Variants in DCAF5 observed in about 807,000 individuals in gnomAD.
The protein encoded by DCAF5 is DDB1- and CUL4-associated factor 5.
A neutral mutation model predicts 80.7 loss-of-function variants in DCAF5; 9 were observed. That is an observed-to-expected ratio of 0.11 (90% CI 0.07 to 0.19). DCAF5 has a LOEUF of 0.19. DCAF5 is among the 10% of genes least tolerant of loss of function. DCAF5 has a pLI of 1.00. For synonymous variants in DCAF5, 433 were observed against 461.9 expected (o/e 0.94, Z 0.80); for missense variants, 842 against 1,205.7 (o/e 0.70, Z 4.47).
chr14:69,067,121 C>T (rs563027744), intron 7 of DCAF5, among the ~76,000 whole-genome samples: 1 of 152,290 alleles, frequency 6.6e-6, no homozygotes, highest in African/African-American at 2.4e-5. Flanking sequence ...AACATAAGCT[C>T]CATGACAGCA....
intron 1 of DCAF5, 114 bp from the exon 2 acceptor site, chr14:69,122,474 A>G: frequency 4.4e-6 from 5 of 1,136,220 alleles, no homozygotes; most frequent in Non-Finnish European, 6.2e-6. Context: ...CCAACTCCAT[A>G]AGATTCGCAT....
Position 69,053,799 on chromosome 14 carries a change from CA to C in DCAF5, c.*57del. The C allele has an allele frequency of 2.1e-6, 3 of 1,412,812 alleles. No homozygotes were observed. The highest frequency in any genetic ancestry group is 2.8e-6 in the Non-Finnish European group (3 of 1,056,022). The allele number at this position is 1,412,812 out of a possible 1,614,324, so 87.5% of individuals were successfully genotyped here. The stretch of plus-strand genomic sequence containing the variant: ...TTTCCTTTCCTCTGTATTCACTAAA[CA>C]ATTTTTTTTTTTTTGTAAGGCTACT... On this transcript the variant is annotated 3_prime_UTR_variant, in exon 9 of 9. Transcript: ENST00000341516.
chr14:69,149,850 C>G (rs1201017239), intron 1 of DCAF5, among the ~76,000 whole-genome samples: 1 of 152,196 alleles, frequency 6.6e-6, no homozygotes, highest in South Asian at 2.1e-4. Flanking sequence ...TGTGCTCCCC[C>G]ACTCAGGTGT....
chr14:69,123,940 C>T (rs1472113672), intron 1 of DCAF5, among the ~76,000 whole-genome samples: 1 of 152,114 alleles, frequency 6.6e-6, no homozygotes, highest in Non-Finnish European at 1.5e-5. Flanking sequence ...CCTCATGATC[C>T]ACCCACCTCG....
At chr14:69,079,987 T>C (rs2039041214) in intron 6 of DCAF5, among the ~76,000 whole-genome samples, 1 of 152,098 alleles carries the variant, frequency 6.6e-6, no homozygotes, top group Non-Finnish European at 1.5e-5. Context: ...GATAAAATGG[T>C]ATTTTGAATA....
intron 1 of DCAF5, among the ~76,000 whole-genome samples, chr14:69,122,578 G>A (rs1353429766): frequency 6.6e-6 from 1 of 152,152 alleles, no homozygotes; most frequent in Non-Finnish European, 1.5e-5. Flanking sequence ...ATCTTAAGCA[G>A]ACATAGAAAA....
chr14:69,101,076 C>T (rs1007159704), intron 5 of DCAF5, among the ~76,000 whole-genome samples: 5 of 152,162 alleles, frequency 3.3e-5, no homozygotes, highest in Admixed American at 1.3e-4. Flanking sequence ...CTATGTTACA[C>T]TGGAGGAGAC....
In DCAF5 at chr14:69,091,793, G is replaced by A. The variant is rs2039540881; in HGVS notation, c.760C>T (p.Arg254Cys). The A allele has an allele frequency of 1.2e-6, 2 of 1,613,994 alleles. No individual in the cohort carries two copies. The highest frequency in any genetic ancestry group is 1.3e-5 in the African/African-American group (1 of 74,902). Reference protein sequence around the residue: ...NGTQLLALRRRLPPVLYDIHS... With the variant: ...NGTQLLALRRCLPPVLYDIHS... ...ATGTCATAGAGCACAGGGGGCAGGC[G>A]TCGCCTCAGGGCCAGGAGCTGGGTC... The change falls in exon 6 of 9, where the codon CGC becomes TGC. Residue 254 changes from arginine to cysteine, a missense_variant. By Grantham distance (180) the Arg-to-Cys change is radical. This residue lies in a region of DCAF5 where 142 missense variants were observed against 311.9 expected (regional missense o/e 0.46). Transcript: ENST00000341516.
At chr14:69,111,159 G>C (rs1478276353) in intron 5 of DCAF5, among the ~76,000 whole-genome samples, 2 of 152,170 alleles carry the variant, frequency 1.3e-5, no homozygotes, top group Non-Finnish European at 2.9e-5. Context: ...ATAATGGTAT[G>C]AGCAACCCTC....
chr14:69,109,445 A>C (rs542680007), intron 5 of DCAF5, among the ~76,000 whole-genome samples: 40 of 152,146 alleles, frequency 2.6e-4, no homozygotes, highest in Non-Finnish European at 4.4e-4. Context: ...TGCCACCCAG[A>C]TCAAGATATA....
In DCAF5 at chr14:69,062,510, A is replaced by G. The variant is rs754205121; in HGVS notation, c.948T>C (p.Gly316=). The change falls in exon 8 of 9, where the codon GGT becomes GGC. Residue 316 remains glycine (G), a splice_region_variant and synonymous_variant. Transcript: ENST00000341516. ...MWRIPADPEA[G]GIGRVVNGAF... ...CTCCGTTGACCACCCTACCAATGCC[A>G]CCTGGGAAAACAGAAGGAAACAAAA... The G allele has an allele frequency of 6.2e-7, 1 of 1,611,192 alleles. No individual in the cohort carries two copies. The highest frequency in any genetic ancestry group is 1.7e-5 in the Admixed American group (1 of 59,440).
chr14:69,078,798 TGAA>T (rs1460696644), intron 6 of DCAF5, among the ~76,000 whole-genome samples: 9 of 152,260 alleles, frequency 5.9e-5, no homozygotes, highest in East Asian at 3.9e-4. Flanking sequence ...CAGTTTGAGA[TGAA>T]GAAGAAGTTC....
intron 5 of DCAF5, among the ~76,000 whole-genome samples, chr14:69,098,595 C>G (rs1015576773): frequency 3.9e-5 from 6 of 151,956 alleles, no homozygotes; most frequent in African/African-American, 1.5e-4. Flanking sequence ...TTTAAAAACA[C>G]TGACTTGGCC....
intron 1 of DCAF5, among the ~76,000 whole-genome samples, chr14:69,137,441 T>C (rs1219430313): frequency 1.3e-5 from 2 of 152,230 alleles, no homozygotes; most frequent in Admixed American, 6.5e-5. Context: ...TTTCTGATTA[T>C]TCTTTTTTTT....
chr14:69,116,847 C>G (rs2040559578), intron 4 of DCAF5, among the ~76,000 whole-genome samples: 1 of 151,986 alleles, frequency 6.6e-6, no homozygotes, highest in Non-Finnish European at 1.5e-5. Context: ...AATTCACAAC[C>G]AAGTATGGTA....
At chr14:69,113,662 G>A (rs557179507) in intron 5 of DCAF5, among the ~76,000 whole-genome samples, 12 of 152,270 alleles carry the variant, frequency 7.9e-5, no homozygotes, top group African/African-American at 1.7e-4. Context: ...TTGCAACTCA[G>A]CATAACTAAT....
Position 69,096,354 on chromosome 14 carries a change from A to G in DCAF5, c.666-4467T>C, listed in dbSNP as rs77112709. 5.2e-3 allele frequency among the ~76,000 whole-genome samples: 795 copies of G among 152,242 alleles called. 52 individuals are homozygous for G. The East Asian group carries it at 0.14, about 27-fold the overall frequency. ...TTGCGATCTGTGAATGAACACATTTATTTTCCCCAGAACATGATTCACTGC... is the reference window on the plus strand; with the variant it reads ...TTGCGATCTGTGAATGAACACATTTGTTTTCCCCAGAACATGATTCACTGC... On this transcript the variant is annotated intron_variant, in intron 5 of 8. Transcript: ENST00000341516.
chr14:69,152,740 G>C lies in DCAF5; in HGVS notation c.214+25C>G. The C allele has an allele frequency of 6.3e-7, 1 of 1,593,924 alleles. No homozygotes were observed. Among genetic ancestry groups the C allele is most frequent in the Non-Finnish European group, 8.6e-7 (1 of 1,168,544 alleles). On this transcript the variant is annotated intron_variant, in intron 1 of 8. Transcript: ENST00000341516. The surrounding 1 kb of genome is among the most constrained non-coding windows in gnomAD (Gnocchi z 4.1). ...AGGCTGGGAGGGTGCGGGGAGGCGC[G>C]GGGAGGGGAAGGGGGTTGATTTACC...
chr14:69,075,189 T>C (rs1176015576), intron 7 of DCAF5, among the ~76,000 whole-genome samples, 156 bp downstream of exon 7: 2 of 152,196 alleles, frequency 1.3e-5, no homozygotes, highest in Admixed American at 1.3e-4. Context: ...TATAGTTTAA[T>C]CTGGTTTATA....
Sources: allele counts gnomAD v4.1 joint callset (sites outside exome capture counted in the v4.1 genomes callset), GRCh38; gene constraint gnomAD v4.1.1; regional missense constraint gnomAD v4.1.1; non-coding constraint Gnocchi (gnomAD v3.1); transcripts MANE v1.5; gene names NCBI Gene and HGNC (gene_info 2026-07-23, HGNC 2026-07-21).